IL12RB2: variants seen among roughly 807,000 people sequenced by gnomAD.
IL12RB2 encodes the protein interleukin 12 receptor subunit beta 2.
In IL12RB2, 82 loss-of-function variants were observed where a neutral mutation model predicts 89.4. The observed-to-expected ratio is 0.92, with a 90% CI of 0.77 to 1.10. IL12RB2 has a LOEUF of 1.10. Ranked by LOEUF, IL12RB2 falls within the 50% of genes least tolerant of loss-of-function variation. The probability of loss-of-function intolerance (pLI) is 0.00; values close to 1 mark genes in which losing one functional copy is unlikely to be tolerated. For synonymous variants in IL12RB2, 368 were observed against 370.1 expected (o/e 0.99, Z 0.07); for missense variants, 963 against 1,031.9 (o/e 0.93, Z 0.92).
intron 2 of IL12RB2, among the ~76,000 whole-genome samples, chr1:67,315,273 T>A (rs1001941864): frequency 1.3e-5 from 2 of 152,110 alleles, no homozygotes; most frequent in African/African-American, 4.8e-5. Flanking sequence ...TATATATCCA[T>A]TTTTTTAAAT....
intron 14 of IL12RB2, among the ~76,000 whole-genome samples, chr1:67,382,227 A>G (rs1273499970): frequency 2.0e-5 from 3 of 152,194 alleles, no homozygotes; most frequent in Admixed American, 6.5e-5. Context: ...ATTAAAAAAG[A>G]AAGGAAGGCC....
chr1:67,322,948 C>T (rs1169623505), intron 4 of IL12RB2, among the ~76,000 whole-genome samples: 1 of 152,204 alleles, frequency 6.6e-6, no homozygotes, highest in Non-Finnish European at 1.5e-5. Flanking sequence ...GATTCCATGG[C>T]ACCCTGTGCC....
At position 67,352,339 on chromosome 1, in the gene IL12RB2, C is replaced by A. The variant is rs138648768; in HGVS notation, c.1258+1250C>A. Among the ~76,000 whole-genome samples the A allele has an allele frequency of 3.9e-5, 6 of 152,286 alleles. No individual in the cohort carries two copies. In the East Asian group the frequency reaches 1.2e-3, roughly 29 times the overall value. ...AGACAGCCTAGGGCTGGTGTGACAG[C>A]CTCATGATGCCATCAGGGCTCTAGG... is the stretch of plus-strand genomic sequence containing the variant. On this transcript the variant is annotated intron_variant, in intron 10 of 16. Transcript: ENST00000674203.
rs768397637 is a variant in IL12RB2 at position 67,395,549 on chromosome 1, G to A, written c.2049G>A (p.Glu683=). 1 of 1,614,242 alleles carries A rather than the reference G, an allele frequency of 6.2e-7. No individual in the cohort carries two copies. Among genetic ancestry groups the A allele is most frequent in the Admixed American group, 1.7e-5 (1 of 60,024 alleles). The change falls in exon 17 of 17, where the codon GAG becomes GAA. Residue 683 remains glutamate, a splice_region_variant and synonymous_variant. Transcript: ENST00000674203. Reference sequence around the variant, plus strand: ...CTCTTCCTCCTCCTTTCTCTCAGGAGAAGACACAGCTGCCCTTGGACAGGC... The same window carrying A: ...CTCTTCCTCCTCCTTTCTCTCAGGAAAAGACACAGCTGCCCTTGGACAGGC... ...TCAKKYPIAE[E]KTQLPLDRLL...
At chr1:67,334,541 C>G (rs755483646) in intron 8 of IL12RB2, among the ~76,000 whole-genome samples, 1 of 152,152 alleles carries the variant, frequency 6.6e-6, no homozygotes, top group Non-Finnish European at 1.5e-5. Context: ...TGCAGTGGTG[C>G]GATCTCGGCT....
chr1:67,335,632 T>C (rs1658667048), intron 8 of IL12RB2, among the ~76,000 whole-genome samples: 1 of 152,198 alleles, frequency 6.6e-6, no homozygotes, highest in African/African-American at 2.4e-5. Flanking sequence ...ATACTGGCCT[T>C]TGGCTTTTTT....
At chr1:67,340,372 G>A (rs1483250438) in intron 9 of IL12RB2, among the ~76,000 whole-genome samples, 1 of 152,180 alleles carries the variant, frequency 6.6e-6, no homozygotes, top group Non-Finnish European at 1.5e-5. Context: ...TCCTTTTCAC[G>A]AGCAAGTGAC....
At chr1:67,379,814 T>C (rs918966937) in intron 13 of IL12RB2, 172 bp from the exon 14 acceptor site, 6 of 596,656 alleles carry the variant, frequency 1.0e-5, no homozygotes, top group Non-Finnish European at 1.5e-5. Flanking sequence ...TAAATGACGA[T>C]GTCTAGGGCC....
At chr1:67,379,888 C>CA in intron 13 of IL12RB2, 98 bp from the exon 14 acceptor site, 1 of 995,362 alleles carries the variant, frequency 1.0e-6, no homozygotes, top group Non-Finnish European at 1.6e-6. Flanking sequence ...TTTTTCCTTC[C>CA]AAATTAAATG....
chr1:67,393,195 TC>T (rs1318482949), intron 16 of IL12RB2, among the ~76,000 whole-genome samples: 1 of 152,064 alleles, frequency 6.6e-6, no homozygotes, highest in African/African-American at 2.4e-5. Context: ...AGGCCTTCCC[TC>T]CCCTACTGTT....
chr1:67,312,005 C>T (rs1655126320), intron 1 of IL12RB2, among the ~76,000 whole-genome samples: 1 of 152,064 alleles, frequency 6.6e-6, no homozygotes, highest in South Asian at 2.1e-4. Context: ...ACAGAGACTT[C>T]CAGATTGAGG....
At chr1:67,389,840 A>C (rs551737809) in intron 15 of IL12RB2, among the ~76,000 whole-genome samples, 189 bp from the exon 16 acceptor site, 1 of 152,344 alleles carries the variant, frequency 6.6e-6, no homozygotes, top group Admixed American at 6.5e-5. Context: ...GCAAACCTCA[A>C]GTGGCTGTGT....
At chr1:67,354,312 G>T (rs1661154705) in intron 10 of IL12RB2, among the ~76,000 whole-genome samples, 1 of 152,116 alleles carries the variant, frequency 6.6e-6, no homozygotes. Flanking sequence ...GCAGGCATAG[G>T]ACTTGAAAGG....
Position 67,320,418 on chromosome 1 carries a change from C to T in IL12RB2, c.50C>T (p.Thr17Met), listed in dbSNP as rs200115195. The T allele has an allele frequency of 5.8e-5, 94 of 1,613,892 alleles. No homozygotes were observed. The highest frequency in any genetic ancestry group is 7.7e-5 in the Non-Finnish European group (91 of 1,179,902). The change falls in exon 3 of 17, where the codon ACG (threonine) becomes ATG (methionine). Residue 17 changes from threonine to methionine, a missense_variant. By Grantham distance (81) the Thr-to-Met change is moderately conservative. Coordinates refer to ENST00000674203, the MANE Select transcript of IL12RB2 (RefSeq NM_001374259.2). ...TCATTGGCATTTATGTTTATAATCA[C>T]GTGGCTGTTGATTAAAGCAAAAATA... ...GCSLAFMFII[T>M]WLLIKAKIDA... is the part of the protein sequence containing the mutation.
intron 13 of IL12RB2, among the ~76,000 whole-genome samples, chr1:67,374,030 A>G (rs1048419833): frequency 1.3e-5 from 2 of 152,192 alleles, no homozygotes; most frequent in Non-Finnish European, 2.9e-5. Context: ...CTTCACACTT[A>G]GGCTGTTAAC....
chr1:67,342,472 T>C (rs2100779749), intron 9 of IL12RB2, among the ~76,000 whole-genome samples: 1 of 151,688 alleles, frequency 6.6e-6, no homozygotes, highest in East Asian at 1.9e-4. Context: ...CCCCTGGGGG[T>C]TGGGGTGGGA....
chr1:67,344,581 C>T (rs181313822), intron 9 of IL12RB2, among the ~76,000 whole-genome samples: 12 of 152,354 alleles, frequency 7.9e-5, no homozygotes, highest in South Asian at 2.1e-4. Context: ...GCATGAGCAA[C>T]GGCTCTCGGC....
chr1:67,358,307 G>A (rs1041524832), intron 10 of IL12RB2, among the ~76,000 whole-genome samples: 4 of 152,200 alleles, frequency 2.6e-5, no homozygotes, highest in African/African-American at 7.2e-5. Flanking sequence ...TGGGCATGGT[G>A]GCTCACGCCT....
At chr1:67,363,211 A>ATTTT (rs199805464) in intron 10 of IL12RB2, among the ~76,000 whole-genome samples, 4 of 97,186 alleles carry the variant, frequency 4.1e-5, no homozygotes, top group African/African-American at 1.2e-4. Context: ...AATTATTCTT[A>ATTTT]TTTTTTTTTT....
Sources: allele counts gnomAD v4.1 joint callset (sites outside exome capture counted in the v4.1 genomes callset), GRCh38; gene constraint gnomAD v4.1.1; transcripts MANE v1.5; gene names NCBI Gene and HGNC (gene_info 2026-07-23, HGNC 2026-07-21).